The following RORA variants were observed in gnomAD, a reference collection of about 807,000 sequenced individuals.
The protein encoded by RORA is RAR related orphan receptor A, also known as nuclear receptor ROR-alpha.
Under a neutral mutation model 69.5 loss-of-function variants are expected in RORA, and 7 were observed. The ratio of observed to expected loss-of-function variants is 0.10; its 90% CI spans 0.06 to 0.19. The LOEUF is 0.19. RORA is among the 10% of genes least tolerant of loss of function. The pLI is 1.00. For missense variants in RORA, 457 were observed against 663.0 expected, an observed-to-expected ratio of 0.69 and a Z score of 3.41; for synonymous variants, 261 against 240.8, an observed-to-expected ratio of 1.08 and a Z score of -0.78.
At chr15:60,653,785 T>A (rs2140703298) in intron 2 of RORA, among the ~76,000 whole-genome samples, 1 of 152,010 alleles carries the variant, frequency 6.6e-6, no homozygotes, top group East Asian at 1.9e-4. Context: ...TGTCTCATTT[T>A]TTTTTTACTC....
intron 2 of RORA, among the ~76,000 whole-genome samples, chr15:60,561,771 G>A (rs940060382): frequency 2.6e-5 from 4 of 151,920 alleles, no homozygotes; most frequent in Admixed American, 6.6e-5. Context: ...AATTTATCAC[G>A]CCCTGAGAGA....
At chr15:60,741,625 T>G (rs1422131105) in intron 1 of RORA, among the ~76,000 whole-genome samples, 1 of 152,170 alleles carries the variant, frequency 6.6e-6, no homozygotes, top group Admixed American at 6.5e-5. Context: ...GGGCCATTAG[T>G]AAATGCCCCA....
At chr15:61,054,613 A>G (rs1199783452) in intron 1 of RORA, among the ~76,000 whole-genome samples, 1 of 152,094 alleles carries the variant, frequency 6.6e-6, no homozygotes, top group Non-Finnish European at 1.5e-5. Flanking sequence ...GGATTTTTAC[A>G]TTTATTTCCT....
chr15:61,010,889 G>A (rs751899596), intron 1 of RORA, among the ~76,000 whole-genome samples: 12 of 152,076 alleles, frequency 7.9e-5, no homozygotes, highest in Non-Finnish European at 1.0e-4. Context: ...AATGAGCCTG[G>A]TTCCTTGGTT....
intron 2 of RORA, chr15:60,592,770 C>T (rs1596028812): frequency 3.6e-6 from 3 of 833,996 alleles, no homozygotes; most frequent in African/African-American, 1.9e-5. Context: ...CCCGGGCCCT[C>T]GCCCGGGCGC....
At chr15:60,931,220 G>A (rs1892363741) in intron 1 of RORA, among the ~76,000 whole-genome samples, 1 of 152,174 alleles carries the variant, frequency 6.6e-6, no homozygotes, top group South Asian at 2.1e-4. Flanking sequence ...TACAGGAGTA[G>A]GAGGCACGGA....
chr15:61,100,566 G>A lies in RORA; in HGVS notation c.166+128487C>T, dbSNP rs144312245. On this transcript the variant is annotated intron_variant, in intron 1 of 10. Coordinates refer to ENST00000335670, the MANE Select transcript of RORA (RefSeq NM_134261.3). ...TATCTGTGGCTAGAGAGGTCTCACT[G>A]TGTTGTCCAGGGGTGTCTGTGGCTA... Among the ~76,000 whole-genome samples the A allele has an allele frequency of 2.3e-3, 352 of 152,304 alleles. 1 individual carries two copies. The highest frequency in any genetic ancestry group is 8.0e-3 in the African/African-American group (333 of 41,574).
chr15:60,516,031 A>ATATATATTTT (rs2065891647), intron 3 of RORA, among the ~76,000 whole-genome samples: 1 of 10,386 alleles, frequency 9.6e-5, no homozygotes, highest in Non-Finnish European at 1.9e-4. Flanking sequence ...TTATATATTT[A>ATATATATTTT]TATATATTTA....
chr15:60,658,134 G>A (rs926973051), intron 2 of RORA, among the ~76,000 whole-genome samples: 2 of 151,650 alleles, frequency 1.3e-5, no homozygotes, highest in Admixed American at 6.6e-5. Flanking sequence ...AGGCTGGAGT[G>A]CAGTGGCGTG....
At chr15:61,056,496 G>A (rs1210219866) in intron 1 of RORA, among the ~76,000 whole-genome samples, 1 of 152,150 alleles carries the variant, frequency 6.6e-6, no homozygotes. Context: ...CAGAAGTACG[G>A]AATTAACCAT....
At chr15:61,192,841 A>C (rs1170211111) in intron 1 of RORA, among the ~76,000 whole-genome samples, 1 of 152,198 alleles carries the variant, frequency 6.6e-6, no homozygotes, top group Admixed American at 6.5e-5. Context: ...TACATTTTCT[A>C]ATCTGTGAAA....
chr15:60,500,088 A>C (rs1241918013), intron 9 of RORA, 84 bp from the exon 10 acceptor site: 8 of 798,026 alleles, frequency 1.0e-5, no homozygotes, highest in Non-Finnish European at 1.4e-5. Context: ...TGATACGGAT[A>C]ATTATATCAC....
intron 1 of RORA, among the ~76,000 whole-genome samples, chr15:61,218,787 T>TA: frequency 6.6e-6 from 1 of 152,268 alleles, no homozygotes; most frequent in East Asian, 1.9e-4. Flanking sequence ...CAATGGCTGA[T>TA]AGACACTTTT....
At chr15:61,214,061 A>G (rs1567040495) in intron 1 of RORA, 2 of 152,352 alleles carry the variant, frequency 1.3e-5, no homozygotes, top group South Asian at 2.1e-4. Flanking sequence ...AAGACAATCT[A>G]TAACCTGGCT....
At chr15:60,977,755 T>G (rs1893919426) in intron 1 of RORA, among the ~76,000 whole-genome samples, 2 of 152,222 alleles carry the variant, frequency 1.3e-5, no homozygotes, top group South Asian at 4.1e-4. Context: ...CATAATGCTT[T>G]GAAGGTTAAT....
rs559751992 is a variant in RORA, at chr15:60,533,990, G to A, written c.197-2139C>T. Reference sequence around the variant, plus strand: ...TTCATTCCATCTTAACAATGAGGGAGATCAAGCATGTCTATTTAGTCCTTT... The same window carrying A: ...TTCATTCCATCTTAACAATGAGGGAAATCAAGCATGTCTATTTAGTCCTTT... On this transcript the variant is annotated intron_variant, in intron 2 of 10. Coordinates refer to ENST00000335670, the MANE Select transcript of RORA (RefSeq NM_134261.3). Among the ~76,000 whole-genome samples the A allele has an allele frequency of 3.9e-5, 6 of 152,310 alleles. No homozygotes were observed. The East Asian group carries it at 5.8e-4, about 15-fold the overall frequency.
At chr15:60,621,824 G>A (rs2069416803) in intron 2 of RORA, among the ~76,000 whole-genome samples, 3 of 152,210 alleles carry the variant, frequency 2.0e-5, no homozygotes, top group South Asian at 4.1e-4. Flanking sequence ...GAGGCAAGCA[G>A]ATCACCTGAG....
chr15:61,099,990 A>C (rs1037737731), intron 1 of RORA, among the ~76,000 whole-genome samples: 1 of 152,230 alleles, frequency 6.6e-6, no homozygotes, highest in Non-Finnish European at 1.5e-5. Context: ...GAAGGAAACA[A>C]GTCTGATACT....
At chr15:61,107,030 T>C (rs1209299004) in intron 1 of RORA, among the ~76,000 whole-genome samples, 1 of 152,202 alleles carries the variant, frequency 6.6e-6, no homozygotes, top group African/African-American at 2.4e-5. Flanking sequence ...ACATGGTCAC[T>C]GAGCAGCCAG....
Sources: allele counts gnomAD v4.1 joint callset (sites outside exome capture counted in the v4.1 genomes callset), GRCh38; gene constraint gnomAD v4.1.1; transcripts MANE v1.5; gene names NCBI Gene and HGNC (gene_info 2026-07-23, HGNC 2026-07-21).